Variants in COL13A1 observed in about 807,000 individuals in gnomAD.
The protein encoded by COL13A1 is collagen alpha-1(XIII) chain.
Under a neutral mutation model 130.9 loss-of-function variants are expected in COL13A1, and 89 were observed. The observed-to-expected ratio is 0.68, with a 90% confidence interval of 0.57 to 0.81. COL13A1 has a LOEUF of 0.81. Ranked by LOEUF, COL13A1 falls within the 30% of genes least tolerant of loss-of-function variation. COL13A1 has a pLI of 0.00. For missense variants in COL13A1, 879 were observed against 934.6 expected (o/e 0.94, Z 0.78); for synonymous variants, 402 against 341.6 (o/e 1.18, Z -1.95).
At chr10:69,925,595 A>G (rs1371915633) in intron 25 of COL13A1, among the ~76,000 whole-genome samples, 1 of 152,224 alleles carries the variant, frequency 6.6e-6, no homozygotes, top group Non-Finnish European at 1.5e-5. Flanking sequence ...GGCCTAGCCC[A>G]GACTTCTCAC....
At chr10:69,874,694 A>T (rs2059410308) in intron 4 of COL13A1, among the ~76,000 whole-genome samples, 1 of 152,298 alleles carries the variant, frequency 6.6e-6, no homozygotes, top group Non-Finnish European at 1.5e-5. Flanking sequence ...GACCGAGGAA[A>T]GTGATTCACC....
intron 2 of COL13A1, among the ~76,000 whole-genome samples, chr10:69,864,317 C>CGATT (rs3041545): frequency 0.63 from 93,845 of 149,494 alleles, 29,647 homozygotes; most frequent in East Asian, 0.96. Flanking sequence ...CAGTAAATGT[C>CGATT]GATTGAATGA....
At chr10:69,897,433 C>T (rs2061756069) in intron 13 of COL13A1, 1 of 1,609,190 alleles carries the variant, frequency 6.2e-7, no homozygotes, top group Non-Finnish European at 8.5e-7. Flanking sequence ...CTCACGGTCC[C>T]TGTCGCCCTG....
Position 69,845,060 on chromosome 10 carries a change from A to G in COL13A1, c.364+22622A>G, listed in dbSNP as rs115682379. ...AACTAGTTATAGGATTCTCTATCCTATAGAGACAAACAAAACCCATCCAGA... is the reference window on the plus strand; with the variant it reads ...AACTAGTTATAGGATTCTCTATCCTGTAGAGACAAACAAAACCCATCCAGA... On this transcript the variant is annotated intron_variant, in intron 2 of 40. Transcript: ENST00000645393. Among the ~76,000 whole-genome samples, 967 of 152,304 alleles carry G rather than the reference A, an allele frequency of 6.3e-3. 8 individuals are homozygous for G. The highest frequency in any genetic ancestry group is 0.022 in the African/African-American group (928 of 41,546).
intron 30 of COL13A1, among the ~76,000 whole-genome samples, chr10:69,930,810 C>A (rs983351772): frequency 6.6e-6 from 1 of 152,180 alleles, no homozygotes. Context: ...GCAGAGTCTC[C>A]GTCTCCTCAT....
intron 2 of COL13A1, among the ~76,000 whole-genome samples, chr10:69,844,647 C>T (rs769415245): frequency 7.2e-5 from 11 of 152,158 alleles, no homozygotes; most frequent in Non-Finnish European, 1.3e-4. Flanking sequence ...GTTGGCATAG[C>T]GACAAGAGAT....
At chr10:69,862,160 T>A (rs927681725) in intron 2 of COL13A1, among the ~76,000 whole-genome samples, 1 of 152,182 alleles carries the variant, frequency 6.6e-6, no homozygotes, top group Non-Finnish European at 1.5e-5. Context: ...TCCTAAGAAA[T>A]GTAAAGCTTC....
chr10:69,864,518 A>G (rs73267785), intron 2 of COL13A1, among the ~76,000 whole-genome samples: 20,180 of 152,158 alleles, frequency 0.13, 1,629 homozygotes, highest in African/African-American at 0.22. Context: ...TAGATAATAA[A>G]TGCTTAAAAA....
At chr10:69,923,218 AG>A (rs1439056304) in intron 23 of COL13A1, among the ~76,000 whole-genome samples, 1 of 152,172 alleles carries the variant, frequency 6.6e-6, no homozygotes, top group African/African-American at 2.4e-5. Context: ...GGCTCTGAGT[AG>A]GTTGCAGGTC....
At chr10:69,869,644 C>T (rs1313733072) in intron 3 of COL13A1, among the ~76,000 whole-genome samples, 3 of 152,176 alleles carry the variant, frequency 2.0e-5, no homozygotes, top group Admixed American at 6.5e-5. Context: ...GCTACCACTG[C>T]CCCACCCATC....
At chr10:69,906,203 A>G (rs1025493602) in intron 17 of COL13A1, among the ~76,000 whole-genome samples, 6 of 152,374 alleles carry the variant, frequency 3.9e-5, no homozygotes, top group African/African-American at 1.4e-4. Context: ...TTTGGGAAAT[A>G]TTCTGGGAGA....
intron 2 of COL13A1, among the ~76,000 whole-genome samples, chr10:69,840,902 C>T (rs1007319657): frequency 4.6e-5 from 7 of 151,984 alleles, no homozygotes; most frequent in African/African-American, 1.7e-4. Flanking sequence ...CTCAGAACCC[C>T]GGGCGCCAGA....
intron 38 of COL13A1, among the ~76,000 whole-genome samples, chr10:69,950,449 CCT>C (rs2069342033): frequency 6.6e-6 from 1 of 152,172 alleles, no homozygotes; most frequent in African/African-American, 2.4e-5. Flanking sequence ...ACACGCCAAC[CCT>C]CTGTTACCCC....
chr10:69,889,448 C>A lies in COL13A1; in HGVS notation c.603+8C>A, dbSNP rs773814170. ...GGACCAAAGGGCGACATGGTAAGAG[C>A]CCAGCTTTCCTGCCTTCCCGAGATG... On this transcript the variant is annotated splice_region_variant and intron_variant, in intron 10 of 40. Coordinates refer to ENST00000645393, the MANE Select transcript of COL13A1 (RefSeq NM_001368882.1). 1 of 1,611,088 alleles carries A rather than the reference C, an allele frequency of 6.2e-7. No individual in the cohort carries two copies. The highest frequency in any genetic ancestry group is 8.5e-7 in the Non-Finnish European group (1 of 1,178,868).
chr10:69,931,711 T>C (rs1045759984), intron 30 of COL13A1, among the ~76,000 whole-genome samples: 1 of 152,182 alleles, frequency 6.6e-6, no homozygotes, highest in Non-Finnish European at 1.5e-5. Context: ...GAAGCTCCCT[T>C]GTCAGCCTCC....
intron 4 of COL13A1, among the ~76,000 whole-genome samples, chr10:69,873,951 G>A (rs182569201): frequency 5.1e-4 from 78 of 152,318 alleles, no homozygotes; most frequent in African/African-American, 1.8e-3. Context: ...CTGGCCACAT[G>A]CTTCTCAGAG....
chr10:69,891,905 C>G (rs1019639720), intron 10 of COL13A1, among the ~76,000 whole-genome samples: 5 of 152,216 alleles, frequency 3.3e-5, no homozygotes, highest in Non-Finnish European at 5.9e-5. Context: ...AGCTGAGATT[C>G]AGACCCATGC....
chr10:69,947,039 C>T (rs891419774), intron 37 of COL13A1, among the ~76,000 whole-genome samples: 7 of 152,340 alleles, frequency 4.6e-5, no homozygotes, highest in African/African-American at 1.2e-4. Flanking sequence ...CCGCCCACCT[C>T]GGCCTCCCAA....
intron 2 of COL13A1, among the ~76,000 whole-genome samples, chr10:69,839,980 A>C (rs533443214): frequency 6.6e-6 from 1 of 152,334 alleles, no homozygotes; most frequent in Admixed American, 6.5e-5. Flanking sequence ...TGGATTACAA[A>C]GGCAGAGTGG....
Sources: gnomAD v4.1 joint callset for allele counts (sites outside exome capture counted in the v4.1 genomes callset) on GRCh38, gnomAD v4.1.1 for gene constraint, MANE v1.5 for transcripts, NCBI Gene and HGNC (gene_info 2026-07-23, HGNC 2026-07-21) for gene names.